Variants in COL24A1 observed in about 807,000 individuals in gnomAD.
COL24A1 encodes the protein collagen alpha-1(XXIV) chain.
In COL24A1, 224 loss-of-function variants were observed where a neutral mutation model predicts 253.9. The ratio of observed to expected loss-of-function variants is 0.88; its 90% CI spans 0.79 to 0.99. The LOEUF is 0.99. Among genes scored for constraint, COL24A1 ranks in the 50% least tolerant of loss-of-function variants. The pLI is 0.00. For missense variants in COL24A1, 2,131 were observed against 2,068.5 expected (o/e 1.03, Z -0.59); for synonymous variants, 685 against 673.7 (o/e 1.02, Z -0.26).
intron 50 of COL24A1, 41 bp from the exon 51 acceptor site, chr1:85,783,599 T>G: frequency 6.5e-7 from 1 of 1,547,828 alleles, no homozygotes; most frequent in Non-Finnish European, 8.9e-7. Flanking sequence ...AATTTGTAGC[T>G]CTATATGAAC....
intron 5 of COL24A1, among the ~76,000 whole-genome samples, chr1:86,102,522 CA>C (rs1175909691): frequency 3.3e-5 from 5 of 152,064 alleles, no homozygotes; most frequent in African/African-American, 1.2e-4. Flanking sequence ...GTGTTTAGTG[CA>C]ATACATTTCC....
At chr1:85,940,531 TTTATA>T (rs140504857) in intron 24 of COL24A1, among the ~76,000 whole-genome samples, 17,709 of 151,232 alleles carry the variant, frequency 0.12, 1,177 homozygotes, top group South Asian at 0.27. Flanking sequence ...TGTAAAATGT[TTTATA>T]TTATCGATTA....
chr1:85,911,350 T>G, intron 25 of COL24A1, 30 bp downstream of exon 25: 1 of 1,583,524 alleles, frequency 6.3e-7, no homozygotes, highest in Non-Finnish European at 8.6e-7. Context: ...GATTTCTTCC[T>G]ATAAAACAAA....
intron 37 of COL24A1, among the ~76,000 whole-genome samples, chr1:85,850,060 T>C (rs546212684): frequency 1.3e-5 from 2 of 152,278 alleles, no homozygotes; most frequent in African/African-American, 4.8e-5. Flanking sequence ...GGTAATCATA[T>C]AAAACTTAAA....
At chr1:85,992,073 T>TC (rs1694334110) in intron 19 of COL24A1, among the ~76,000 whole-genome samples, 1 of 149,832 alleles carries the variant, frequency 6.7e-6, no homozygotes, top group South Asian at 2.2e-4. Flanking sequence ...CCCTCTCCAC[T>TC]CCCCCCACCC....
intron 47 of COL24A1, among the ~76,000 whole-genome samples, chr1:85,794,741 G>A (rs563740053): frequency 4.0e-5 from 6 of 151,728 alleles, no homozygotes; most frequent in African/African-American, 1.5e-4. Context: ...AAATCATTCT[G>A]GGTAAATTTT....
chr1:86,022,472 A>T, intron 17 of COL24A1, 66 bp downstream of exon 17: 2 of 1,409,996 alleles, frequency 1.4e-6, no homozygotes, highest in African/African-American at 2.9e-5. Context: ...ATAAAATAAT[A>T]AGCAGTTCTT....
At chr1:85,980,763 G>A (rs1693177196) in intron 20 of COL24A1, among the ~76,000 whole-genome samples, 1 of 152,012 alleles carries the variant, frequency 6.6e-6, no homozygotes. Flanking sequence ...AAAAAAATTA[G>A]CCAGGCATGG....
chr1:86,046,831 C>T lies in COL24A1; in HGVS notation c.1944G>A (p.Gly648=). 2 of 1,610,928 alleles carry T rather than the reference C, an allele frequency of 1.2e-6. No individual in the cohort carries two copies. The highest frequency in any genetic ancestry group is 1.7e-6 in the Non-Finnish European group (2 of 1,177,448). The change falls in exon 12 of 60, where the codon GGG becomes GGA. Residue 648 remains glycine (G), a synonymous_variant. Transcript: ENST00000370571. The part of the protein sequence containing the change: ...PGIRGKKGFK[G]RQGFPGDFGD... ...AAAACACAAATTAAGATACCTGTCTCCCCTTAAAACCCTTCTTTCCACGGA... is the reference window on the plus strand; with the variant it reads ...AAAACACAAATTAAGATACCTGTCTTCCCTTAAAACCCTTCTTTCCACGGA...
At chr1:86,079,318 A>G (rs1702468428) in intron 7 of COL24A1, among the ~76,000 whole-genome samples, 1 of 152,220 alleles carries the variant, frequency 6.6e-6, no homozygotes, top group African/African-American at 2.4e-5. Context: ...TAGATTAAAG[A>G]CTTAAATCTA....
intron 47 of COL24A1, among the ~76,000 whole-genome samples, chr1:85,789,965 G>A (rs1297395368): frequency 6.6e-6 from 1 of 152,134 alleles, no homozygotes; most frequent in Non-Finnish European, 1.5e-5. Flanking sequence ...GGATATTATT[G>A]AGGATTTTGC....
At chr1:85,731,864 A>G (rs1203928432) in intron 59 of COL24A1, among the ~76,000 whole-genome samples, 1 of 152,232 alleles carries the variant, frequency 6.6e-6, no homozygotes, top group Non-Finnish European at 1.5e-5. Flanking sequence ...GCTTTAAAGT[A>G]TGCCTAAAAT....
chr1:85,829,811 G>T (rs1674933361), intron 43 of COL24A1, among the ~76,000 whole-genome samples: 1 of 151,784 alleles, frequency 6.6e-6, no homozygotes, highest in Admixed American at 6.6e-5. Flanking sequence ...GGTTATTCTA[G>T]TTATACATTC....
intron 10 of COL24A1, 115 bp from the exon 11 acceptor site, chr1:86,050,292 C>A: frequency 1.4e-6 from 1 of 701,660 alleles, no homozygotes; most frequent in Admixed American, 2.6e-5. Context: ...ACAAGACTTA[C>A]AAGTGCGAAT....
rs371679202 is a variant in COL24A1, at chr1:85,983,648, A to G, written c.2364+3953T>C. On this transcript the variant is annotated intron_variant, in intron 20 of 59. Coordinates refer to ENST00000370571, the MANE Select transcript of COL24A1 (RefSeq NM_152890.7). ...TTTTTATCATTCCCATTTGCCAAAC[A>G]AGACATGTATATAAAAATGAAAGAA... Among the ~76,000 whole-genome samples the G allele has an allele frequency of 2.1e-3, 318 of 151,978 alleles. 10 individuals are homozygous for G. The South Asian group carries it at 0.051, about 24-fold the overall frequency.
intron 33 of COL24A1, 40 bp downstream of exon 33, chr1:85,877,079 AAGT>A (rs774840867): frequency 2.1e-6 from 3 of 1,430,534 alleles, no homozygotes; most frequent in Non-Finnish European, 2.9e-6. Flanking sequence ...GTCTTACAAA[AAGT>A]AGAATATTTA....
intron 24 of COL24A1, among the ~76,000 whole-genome samples, chr1:85,922,517 A>G (rs1003941294): frequency 2.0e-5 from 3 of 152,366 alleles, no homozygotes; most frequent in South Asian, 2.1e-4. Flanking sequence ...CCAATATTCA[A>G]CATTCTTAAA....
At chr1:86,123,622 T>C (rs1289818081) in intron 3 of COL24A1, among the ~76,000 whole-genome samples, 1 of 152,008 alleles carries the variant, frequency 6.6e-6, no homozygotes, top group East Asian at 1.9e-4. Context: ...TTAATGCTCA[T>C]CTGATCAGAC....
At chr1:85,982,963 CTG>C (rs1017478347) in intron 20 of COL24A1, among the ~76,000 whole-genome samples, 1 of 151,922 alleles carries the variant, frequency 6.6e-6, no homozygotes, top group Non-Finnish European at 1.5e-5. Flanking sequence ...TCTTAGAAAA[CTG>C]TGTAGAGTTA....
Sources: gnomAD v4.1 joint callset for allele counts (sites outside exome capture counted in the v4.1 genomes callset) on GRCh38, gnomAD v4.1.1 for gene constraint, MANE v1.5 for transcripts, NCBI Gene and HGNC (gene_info 2026-07-23, HGNC 2026-07-21) for gene names.